CORIN: variants seen among roughly 807,000 people sequenced by gnomAD.
CORIN encodes the protein corin, serine peptidase.
CORIN carries 117 observed loss-of-function variants against 125.3 expected under a neutral mutation model. That is an observed-to-expected ratio of 0.93 (90% CI 0.80 to 1.09). CORIN has a LOEUF of 1.09. Among genes scored for constraint, CORIN ranks in the 50% least tolerant of loss-of-function variants. The probability of loss-of-function intolerance (pLI) is 0.00; values close to 1 mark genes in which losing one functional copy is unlikely to be tolerated. For synonymous variants in CORIN, 450 were observed against 466.4 expected, an observed-to-expected ratio of 0.96 and a Z score of 0.45; for missense variants, 1,253 against 1,306.7, an observed-to-expected ratio of 0.96 and a Z score of 0.63.
chr4:47,767,782 G>T (rs1036287177), intron 3 of CORIN, among the ~76,000 whole-genome samples: 1 of 152,154 alleles, frequency 6.6e-6, no homozygotes, highest in African/African-American at 2.4e-5. Context: ...GATCATAAGA[G>T]ATTACTATAA....
At position 47,665,099 on chromosome 4, in the gene CORIN, A is replaced by G. The variant is rs1724421032; in HGVS notation, c.1522T>C (p.Phe508Leu). The change falls in exon 11 of 22, where the codon TTC becomes CTC. Residue 508 changes from phenylalanine (F) to leucine (L), a missense_variant. Physicochemically the swap from Phe to Leu is conservative, Grantham distance 22. Transcript: ENST00000273857. ...VQTNCYKYLMFFSCTILVPKC... is the reference protein window; with the variant it reads ...VQTNCYKYLMLFSCTILVPKC... ...GGTACCAAAATGGTGCAAGAAAAGA[A>G]CATGAGGTATTTATAACAGTTGGTT... The G allele has an allele frequency of 2.5e-6, 4 of 1,613,884 alleles. No individual in the cohort carries two copies. Among genetic ancestry groups the G allele is most frequent in the Non-Finnish European group, 3.4e-6 (4 of 1,179,828 alleles).
At chr4:47,661,621 A>C (rs1033587853) in intron 12 of CORIN, 90 bp downstream of exon 12, 18 of 1,220,010 alleles carry the variant, frequency 1.5e-5, no homozygotes, top group Non-Finnish European at 1.9e-5. Context: ...AAAACAAACA[A>C]ACAAGAAGCC....
At chr4:47,715,934 G>C (rs1727069928) in intron 5 of CORIN, among the ~76,000 whole-genome samples, 1 of 152,196 alleles carries the variant, frequency 6.6e-6, no homozygotes, top group African/African-American at 2.4e-5. Context: ...GGCTTTGAGA[G>C]AGTCTAAACT....
intron 2 of CORIN, among the ~76,000 whole-genome samples, chr4:47,789,914 C>A (rs1177316963): frequency 6.6e-6 from 1 of 151,542 alleles, no homozygotes; most frequent in Admixed American, 6.6e-5. Flanking sequence ...CCCAGCTACT[C>A]GGGAGGCTGA....
At chr4:47,718,766 G>A (rs1395814881) in intron 5 of CORIN, among the ~76,000 whole-genome samples, 1 of 152,082 alleles carries the variant, frequency 6.6e-6, no homozygotes, top group Non-Finnish European at 1.5e-5. Flanking sequence ...CACTACAGAG[G>A]AAAAACATGA....
At position 47,692,907 on chromosome 4, in the gene CORIN, ATGAT is replaced by A. The variant is rs1164332312; in HGVS notation, c.913+59_913+62del. 6 of 1,247,080 alleles carry A rather than the reference ATGAT, an allele frequency of 4.8e-6. No individual in the cohort carries two copies. In the African/African-American group the frequency reaches 5.9e-5, roughly 12 times the overall value. 77.3% of individuals were successfully genotyped at this position (1,247,080 alleles called of 1,614,324 possible). On this transcript the variant is annotated intron_variant, in intron 6 of 21. Coordinates refer to ENST00000273857, the MANE Select transcript of CORIN (RefSeq NM_006587.4). ...CAAAAAGCAGTCTACACAAATGCTG[ATGAT>A]TGTCAGGATTTGAGAATCCCTGTCC...
In CORIN at chr4:47,641,989, T is replaced by C; in HGVS notation, c.2129A>G (p.Glu710Gly). The change falls in exon 16 of 22, where the codon GAA (glutamate) becomes GGA (glycine). Residue 710 changes from glutamate (E) to glycine (G), a missense_variant. Coordinates refer to ENST00000273857, the MANE Select transcript of CORIN (RefSeq NM_006587.4). ...CCAGCCATCTGCACACACATGGTGT[T>C]CTGTGGCAGCTCTGTGAACCATCAG... ...SFLMVHRAATEHHVCADGWQE... is the reference protein window; with the variant it reads ...SFLMVHRAATGHHVCADGWQE... 1 of 1,613,664 alleles carries C rather than the reference T, an allele frequency of 6.2e-7. No homozygotes were observed. Among genetic ancestry groups the C allele is most frequent in the Non-Finnish European group, 8.5e-7 (1 of 1,179,670 alleles).
At chr4:47,833,798 A>G (rs1442244416) in intron 1 of CORIN, among the ~76,000 whole-genome samples, 1 of 152,234 alleles carries the variant, frequency 6.6e-6, no homozygotes, top group African/African-American at 2.4e-5. Flanking sequence ...CAGTAAGTAT[A>G]TGAAAGATGC....
In CORIN at chr4:47,641,996, C is replaced by G. The variant is rs544560178; in HGVS notation, c.2122G>C (p.Ala708Pro). ...SSSFLMVHRAATEHHVCADGW... is the reference protein window; with the variant it reads ...SSSFLMVHRAPTEHHVCADGW... ...TCTGCACACACATGGTGTTCTGTGG[C>G]AGCTCTGTGAACCATCAGAAAGGAA... The change falls in exon 16 of 22, where the codon GCC (alanine) becomes CCC (proline). Residue 708 changes from alanine (A) to proline (P), a missense_variant. Transcript: ENST00000273857. 1.9e-4 allele frequency: 314 copies of G among 1,613,476 alleles called. No individual in the cohort carries two copies. Among genetic ancestry groups the G allele is most frequent in the Non-Finnish European group, 2.6e-4 (307 of 1,179,662 alleles).
chr4:47,736,757 C>A (rs1728154313), intron 5 of CORIN, among the ~76,000 whole-genome samples: 1 of 152,322 alleles, frequency 6.6e-6, no homozygotes, highest in East Asian at 1.9e-4. Context: ...CCTTGTCCTT[C>A]ATGGAACTTG....
At chr4:47,671,263 G>A (rs919438384) in intron 10 of CORIN, among the ~76,000 whole-genome samples, 20 of 152,100 alleles carry the variant, frequency 1.3e-4, no homozygotes, top group South Asian at 8.3e-4. Context: ...CAAGAATCCC[G>A]GCAACTCCAG....
intron 5 of CORIN, among the ~76,000 whole-genome samples, chr4:47,702,027 T>C (rs1726316354): frequency 6.6e-6 from 1 of 152,218 alleles, no homozygotes; most frequent in Non-Finnish European, 1.5e-5. Context: ...GACAGACAGA[T>C]GTTTCTAAAT....
At chr4:47,718,117 CACA>C (rs1727187166) in intron 5 of CORIN, among the ~76,000 whole-genome samples, 1 of 152,178 alleles carries the variant, frequency 6.6e-6, no homozygotes, top group Non-Finnish European at 1.5e-5. Context: ...GAAATGGACA[CACA>C]ACATTAGCAA....
intron 19 of CORIN, among the ~76,000 whole-genome samples, chr4:47,614,777 T>C (rs1316284794): frequency 6.6e-6 from 1 of 152,144 alleles, no homozygotes; most frequent in Non-Finnish European, 1.5e-5. Context: ...CAAGTATTTA[T>C]TGAGTGGCTG....
chr4:47,660,435 G>A (rs1178626090), intron 12 of CORIN, among the ~76,000 whole-genome samples: 1 of 151,914 alleles, frequency 6.6e-6, no homozygotes, highest in Non-Finnish European at 1.5e-5. Flanking sequence ...ATATGATAAG[G>A]GATTAATAAC....
At position 47,830,911 on chromosome 4, in the gene CORIN, A is replaced by G. The variant is rs566432047; in HGVS notation, c.63+6976T>C. Among the ~76,000 whole-genome samples, 390 of 152,316 alleles carry G rather than the reference A, an allele frequency of 2.6e-3. 3 individuals carry two copies. Among genetic ancestry groups the G allele is most frequent in the Non-Finnish European group, 2.5e-3 (167 of 68,034 alleles). Reference sequence around the variant, plus strand: ...GACTTTAAAACTCCCCCAAAGTGCTACAAACAAAAAGTACTCTTCAAGTGC... The same window carrying G: ...GACTTTAAAACTCCCCCAAAGTGCTGCAAACAAAAAGTACTCTTCAAGTGC... On this transcript the variant is annotated intron_variant, in intron 1 of 21. Transcript: ENST00000273857.
chr4:47,656,029 A>G (rs1397764269), intron 12 of CORIN, among the ~76,000 whole-genome samples: 1 of 152,116 alleles, frequency 6.6e-6, no homozygotes, highest in African/African-American at 2.4e-5. Flanking sequence ...ACAAAGACAC[A>G]TCAAAAAAAA....
intron 1 of CORIN, chr4:47,837,595 G>C: frequency 1.9e-6 from 1 of 539,774 alleles, no homozygotes. Context: ...ATGGAGACCG[G>C]GGTCTCCGGA....
At chr4:47,766,474 A>T (rs1729746099) in intron 3 of CORIN, among the ~76,000 whole-genome samples, 1 of 152,162 alleles carries the variant, frequency 6.6e-6, no homozygotes, top group African/African-American at 2.4e-5. Flanking sequence ...ATTATCCAGA[A>T]TGTCGTCACA....
Sources: gnomAD v4.1 joint callset for allele counts (sites outside exome capture counted in the v4.1 genomes callset) on GRCh38, gnomAD v4.1.1 for gene constraint, MANE v1.5 for transcripts, NCBI Gene and HGNC (gene_info 2026-07-23, HGNC 2026-07-21) for gene names.